EMC1: variants seen among roughly 807,000 people sequenced by gnomAD.
EMC1 encodes the protein ER membrane protein complex subunit 1.
A neutral mutation model predicts 128.8 loss-of-function variants in EMC1; 103 were observed. That is an observed-to-expected ratio of 0.80 (90% CI 0.68 to 0.94). EMC1 has a LOEUF of 0.94. Ranked by LOEUF, EMC1 falls within the 40% of genes least tolerant of loss-of-function variation. The pLI is 0.00. For missense variants in EMC1, 1,083 were observed against 1,250.6 expected (o/e 0.87, Z 2.02); for synonymous variants, 442 against 490.4 (o/e 0.90, Z 1.30).
intron 1 of EMC1, among the ~76,000 whole-genome samples, chr1:19,250,132 C>T (rs1318626453): frequency 7.1e-6 from 1 of 140,942 alleles, no homozygotes; most frequent in Non-Finnish European, 1.5e-5. Flanking sequence ...GCAGGAGAAT[C>T]GCTTGAACCC....
intron 17 of EMC1, among the ~76,000 whole-genome samples, chr1:19,228,718 A>G (rs554021432): frequency 4.7e-4 from 72 of 152,210 alleles, no homozygotes; most frequent in Non-Finnish European, 9.0e-4. Flanking sequence ...AGCAAATTTC[A>G]TAAGAATAAA....
intron 3 of EMC1, 106 bp from the exon 4 acceptor site, chr1:19,243,813 A>G (rs2093619239): frequency 2.1e-6 from 3 of 1,426,498 alleles, no homozygotes; most frequent in Non-Finnish European, 3.0e-6. Context: ...ATGCAAATAC[A>G]TGTTAAACAG....
chr1:19,233,010 T>A lies in EMC1; in HGVS notation c.1558A>T (p.Ile520Phe), dbSNP rs1384044948. 6.2e-7 allele frequency: 1 copy of A among 1,614,182 alleles called. No homozygotes were observed. Among genetic ancestry groups the A allele is most frequent in the Non-Finnish European group, 8.5e-7 (1 of 1,180,022 alleles). Residue 520 changes from isoleucine (I) to phenylalanine (F), a missense_variant, in exon 14 of 23, where the codon ATC (isoleucine) becomes TTC (phenylalanine). Coordinates refer to ENST00000477853, the MANE Select transcript of EMC1 (RefSeq NM_015047.3). ...TCTCTGGCCAGGGTGTCAATGTTGA[T>A]CTCATTCTTAATCTGACTCCGGGGC... ...RKPRSQIKNEINIDTLARDEF... is the reference protein window; with the variant it reads ...RKPRSQIKNEFNIDTLARDEF...
In EMC1 at chr1:19,241,089, G is replaced by C; in HGVS notation, c.563C>G (p.Ala188Gly). The C allele has an allele frequency of 6.2e-7, 1 of 1,614,068 alleles. No individual in the cohort carries two copies. Among genetic ancestry groups the C allele is most frequent in the Non-Finnish European group, 8.5e-7 (1 of 1,179,986 alleles). ...VYSYGSGVVW[A>G]LGVVPFSHVN... ...ATGGCTGAAGGGAACAACTCCGAGGGCCCACACCACCCCAGAGCCGTAAGA... is the reference window on the plus strand; with the variant it reads ...ATGGCTGAAGGGAACAACTCCGAGGCCCCACACCACCCCAGAGCCGTAAGA... Residue 188 changes from alanine to glycine, a missense_variant, in exon 6 of 23, where the codon GCC becomes GGC. Around this residue, in one of 3 missense-constraint regions of EMC1, gnomAD observed 544 missense variants for 572.4 expected, o/e 0.95. Transcript: ENST00000477853.
chr1:19,244,762 GAA>G (rs57014131), intron 2 of EMC1, 142 bp downstream of exon 2: 257 of 764,586 alleles, frequency 3.4e-4, no homozygotes, highest in East Asian at 8.9e-4. Context: ...TGGTAAGACT[GAA>G]AAAAAAAAAG....
chr1:19,247,071 A>G (rs963719445), intron 1 of EMC1, among the ~76,000 whole-genome samples: 1 of 152,250 alleles, frequency 6.6e-6, no homozygotes, highest in Non-Finnish European at 1.5e-5. Context: ...CAGAGGAAAC[A>G]AAACCTGCCA....
chr1:19,216,878 A>C lies in EMC1; in HGVS notation c.*2425T>G, dbSNP rs777198992. On this transcript the variant is annotated 3_prime_UTR_variant, in exon 23 of 23. Transcript: ENST00000477853. ...GCTAATTTTTTTTTATTTTTTGTAG[A>C]TAGAGTCTTGCTATGTTGCCCAGGC... is the stretch of plus-strand genomic sequence containing the variant. The C allele has an allele frequency of 6.6e-6, 1 of 151,942 alleles. No individual in the cohort carries two copies. Among genetic ancestry groups the C allele is most frequent in the African/African-American group, 2.4e-5 (1 of 41,278 alleles). The allele number at this position is 151,942 out of a possible 1,614,324, so 9.4% of individuals were successfully genotyped here. A position where few individuals can be genotyped will look rare whatever the true frequency, so the allele number is the denominator to read the frequency against.
At chr1:19,234,800 C>T (rs1212373075) in intron 13 of EMC1, among the ~76,000 whole-genome samples, 1 of 151,854 alleles carries the variant, frequency 6.6e-6, no homozygotes, top group Admixed American at 6.6e-5. Context: ...GAGCCAAGAT[C>T]GCGCCACTGC....
intron 18 of EMC1, among the ~76,000 whole-genome samples, chr1:19,226,658 T>G (rs1433124504): frequency 1.3e-5 from 2 of 151,568 alleles, no homozygotes; most frequent in Non-Finnish European, 2.9e-5. Flanking sequence ...CAGGCTCAGG[T>G]GATCCTCCTA....
chr1:19,235,265 T>C lies in EMC1; in HGVS notation c.1310-13A>G, dbSNP rs970933912. On this transcript the variant is annotated splice_polypyrimidine_tract_variant and intron_variant, in intron 12 of 22. Coordinates refer to ENST00000477853, the MANE Select transcript of EMC1 (RefSeq NM_015047.3). ...ACCACCTTCCCTGCTACAGGAAACA[T>C]TTTTACAAAGCTAAGCCTGGGGCTG... The C allele has an allele frequency of 4.4e-6, 7 of 1,609,072 alleles. No individual in the cohort carries two copies. The highest frequency in any genetic ancestry group is 5.9e-6 in the Non-Finnish European group (7 of 1,177,434).
chr1:19,240,982 A>G, intron 6 of EMC1, 34 bp downstream of exon 6: 1 of 1,609,572 alleles, frequency 6.2e-7, no homozygotes, highest in Non-Finnish European at 8.5e-7. Context: ...CCCCAACCCC[A>G]CCTTATTCAC....
At chr1:19,246,082 C>T (rs370339981) in intron 1 of EMC1, among the ~76,000 whole-genome samples, 110 of 152,194 alleles carry the variant, frequency 7.2e-4, no homozygotes, top group African/African-American at 2.5e-3. Flanking sequence ...TCCAACCTGA[C>T]AAGACTCTGT....
rs2093515150 is a variant in EMC1 at position 19,230,785 on chromosome 1, TG to T, written c.2064+58del. On this transcript the variant is annotated intron_variant, in intron 17 of 22. Coordinates refer to ENST00000477853, the MANE Select transcript of EMC1 (RefSeq NM_015047.3). ...TAGCATAATTCACTTCTTAGCCAAATGGCCAGGAAACACCTGCATCTCATCC... is the reference window on the plus strand; with the variant it reads ...TAGCATAATTCACTTCTTAGCCAAATGCCAGGAAACACCTGCATCTCATCC... The T allele has an allele frequency of 3.7e-6, 6 of 1,604,050 alleles. No homozygotes were observed. The Admixed American group carries it at 8.6e-5, about 23-fold the overall frequency.
In EMC1 at chr1:19,239,860, C is replaced by G; in HGVS notation, c.912G>C (p.Gln304His). 1 of 1,614,122 alleles carries G rather than the reference C, an allele frequency of 6.2e-7. No individual in the cohort carries two copies. Among genetic ancestry groups the G allele is most frequent in the Non-Finnish European group, 8.5e-7 (1 of 1,180,022 alleles). Residue 304 changes from glutamine to histidine, a missense_variant, in exon 8 of 23, where the codon CAG becomes CAC. By Grantham distance (24) the Gln-to-His change is conservative (BLOSUM62 0). Transcript: ENST00000477853. ...GCAAACTCAGCGTTCCATAATGGTA[C>G]TGCAGCAGAGCATAGTGGCTTGGGG... ...HLSPSHYALL[Q>H]YHYGTLSLLK...
intron 10 of EMC1, among the ~76,000 whole-genome samples, chr1:19,238,439 G>C (rs1481560948): frequency 6.6e-6 from 1 of 152,156 alleles, no homozygotes; most frequent in Non-Finnish European, 1.5e-5. Context: ...AGGAGGCAGG[G>C]AAACGCTTAG....
chr1:19,219,057 G>A lies in EMC1; in HGVS notation c.*246C>T. The stretch of plus-strand genomic sequence containing the variant: ...CAATGCAGACGCCTTTGGACTTCAA[G>A]AGAAAGCCCATCAGGAATCTCTGAG... On this transcript the variant is annotated 3_prime_UTR_variant, in exon 23 of 23. Coordinates refer to ENST00000477853, the MANE Select transcript of EMC1 (RefSeq NM_015047.3). 8.8e-6 allele frequency: 4 copies of A among 454,664 alleles called. No individual in the cohort carries two copies. The highest frequency in any genetic ancestry group is 1.6e-5 in the Non-Finnish European group (4 of 252,244). 28.2% of individuals were successfully genotyped at this position (454,664 alleles called of 1,614,324 possible).
At chr1:19,251,344 C>T (rs2093658256) in intron 1 of EMC1, 71 bp downstream of exon 1, 1 of 1,396,874 alleles carries the variant, frequency 7.2e-7, no homozygotes, top group Non-Finnish European at 1.0e-6. Flanking sequence ...AAGTGACAAC[C>T]TTTAGCAGGT....
intron 5 of EMC1, among the ~76,000 whole-genome samples, chr1:19,241,427 T>C (rs1355572896): frequency 6.6e-6 from 1 of 152,230 alleles, no homozygotes; most frequent in Non-Finnish European, 1.5e-5. Context: ...TGGGTAAGGC[T>C]GCCCCCTCCA....
Position 19,216,693 on chromosome 1 carries a change from TTTTG to T in EMC1, c.*2606_*2609del, listed in dbSNP as rs2151930554. The T allele has an allele frequency of 6.6e-6, 1 of 152,222 alleles. No individual in the cohort carries two copies. Among genetic ancestry groups the T allele is most frequent in the African/African-American group, 2.4e-5 (1 of 41,534 alleles). The allele number at this position is 152,222 out of a possible 1,614,324, so 9.4% of individuals were successfully genotyped here. On this transcript the variant is annotated 3_prime_UTR_variant, in exon 23 of 23. Coordinates refer to ENST00000477853, the MANE Select transcript of EMC1 (RefSeq NM_015047.3). ...TTAATGAATACTAAAACAAACTAGT[TTTTG>T]TTTTTGTTTTTGAGCCAGGGTCTCA...
Sources: gnomAD v4.1 joint callset for allele counts (sites outside exome capture counted in the v4.1 genomes callset) on GRCh38, gnomAD v4.1.1 for gene constraint, gnomAD v4.1.1 regional missense constraint, MANE v1.5 for transcripts, NCBI Gene and HGNC (gene_info 2026-07-23, HGNC 2026-07-21) for gene names.